ATP2B2: variants seen among roughly 807,000 people sequenced by gnomAD.
The protein encoded by ATP2B2 is ATPase plasma membrane Ca2+ transporting 2.
Under a neutral mutation model 120.0 loss-of-function variants are expected in ATP2B2, and 15 were observed. The ratio of observed to expected loss-of-function variants is 0.12; its 90% CI spans 0.08 to 0.19. The LOEUF is 0.19. Among genes scored for constraint, ATP2B2 ranks in the 10% least tolerant of loss-of-function variants. The pLI is 1.00. For synonymous variants in ATP2B2, 694 were observed against 700.3 expected, an observed-to-expected ratio of 0.99 and a Z score of 0.14; for missense variants, 1,045 against 1,719.8, an observed-to-expected ratio of 0.61 and a Z score of 6.94.
chr3:10,524,226 G>C (rs948369814), intron 3 of ATP2B2, among the ~76,000 whole-genome samples: 4 of 152,186 alleles, frequency 2.6e-5, no homozygotes, highest in African/African-American at 7.2e-5. Context: ...CTCTTCAAGG[G>C]AGGGGGTGGG....
Position 10,345,376 on chromosome 3 carries a change from G to T in ATP2B2, c.2703+8C>A, listed in dbSNP as rs150216690. 6 of 1,614,120 alleles carry T rather than the reference G, an allele frequency of 3.7e-6. No homozygotes were observed. Among genetic ancestry groups the T allele is most frequent in the Non-Finnish European group, 4.2e-6 (5 of 1,179,988 alleles). ...CCCAGGCTTTGGTGTGGTCTCCTGCGGACCCACCTGCGTGATGCAGGCGCC... is the reference window on the plus strand; with the variant it reads ...CCCAGGCTTTGGTGTGGTCTCCTGCTGACCCACCTGCGTGATGCAGGCGCC... On this transcript the variant is annotated splice_region_variant and intron_variant, in intron 18 of 22. Transcript: ENST00000360273.
At chr3:10,425,413 A>T (rs926944031) in intron 2 of ATP2B2, among the ~76,000 whole-genome samples, 14 of 152,188 alleles carry the variant, frequency 9.2e-5, no homozygotes, top group African/African-American at 3.1e-4. Context: ...GTTTCCATAT[A>T]ACCTTTGGAT....
intron 2 of ATP2B2, among the ~76,000 whole-genome samples, chr3:10,547,703 A>C (rs1188264583): frequency 3.3e-5 from 5 of 152,186 alleles, no homozygotes. Context: ...CTGTTCCATG[A>C]AAGTTCTGAA....
chr3:10,642,686 T>TAAA (rs141395527), intron 1 of ATP2B2, among the ~76,000 whole-genome samples: 12 of 125,366 alleles, frequency 9.6e-5, no homozygotes, highest in African/African-American at 3.8e-4. Context: ...GAGATTTAGC[T>TAAA]AAAAAAAAAA....
chr3:10,404,372 C>G (rs1327723497), intron 3 of ATP2B2, among the ~76,000 whole-genome samples: 3 of 152,200 alleles, frequency 2.0e-5, no homozygotes, highest in Non-Finnish European at 4.4e-5. Flanking sequence ...TAATGGTAAC[C>G]AAGTTTGAAT....
At chr3:10,406,955 G>A (rs187170912) in intron 3 of ATP2B2, among the ~76,000 whole-genome samples, 3 of 152,360 alleles carry the variant, frequency 2.0e-5, no homozygotes, top group East Asian at 3.9e-4. Flanking sequence ...TCGGGAAGAC[G>A]TGTCTTCTGG....
intron 1 of ATP2B2, among the ~76,000 whole-genome samples, chr3:10,707,483 G>A (rs187017200): frequency 1.0e-3 from 156 of 152,314 alleles, no homozygotes; most frequent in African/African-American, 3.6e-3. Context: ...AGGAACTAGA[G>A]CCAGGAGAAA....
At chr3:10,447,287 A>G (rs574029167) in intron 2 of ATP2B2, among the ~76,000 whole-genome samples, 14 of 151,918 alleles carry the variant, frequency 9.2e-5, no homozygotes, top group Non-Finnish European at 1.2e-4. Flanking sequence ...GCTAGGCAAT[A>G]CTCCCTCTAG....
At chr3:10,435,066 T>C (rs2063435103) in intron 2 of ATP2B2, among the ~76,000 whole-genome samples, 1 of 152,200 alleles carries the variant, frequency 6.6e-6, no homozygotes, top group Non-Finnish European at 1.5e-5. Context: ...AGGTCTGGTC[T>C]CATCCAGGCC....
intron 3 of ATP2B2, among the ~76,000 whole-genome samples, chr3:10,407,769 C>T (rs866971468): frequency 3.3e-5 from 5 of 152,302 alleles, no homozygotes; most frequent in East Asian, 1.9e-4. Flanking sequence ...CAGGAGCGAT[C>T]GGCCACGTGG....
intron 1 of ATP2B2, among the ~76,000 whole-genome samples, chr3:10,459,229 AC>A (rs2064385969): frequency 6.6e-6 from 1 of 152,164 alleles, no homozygotes; most frequent in Admixed American, 6.5e-5. Context: ...CAAAATTTGT[AC>A]CTTTTATGTG....
intron 1 of ATP2B2, among the ~76,000 whole-genome samples, chr3:10,645,468 G>T (rs2070298682): frequency 6.6e-6 from 1 of 152,172 alleles, no homozygotes; most frequent in Non-Finnish European, 1.5e-5. Flanking sequence ...GAGGTGTAAG[G>T]AGGTTTGCAA....
At chr3:10,331,869 A>T in intron 22 of ATP2B2, 1 of 1,031,048 alleles carries the variant, frequency 9.7e-7, no homozygotes, top group Non-Finnish European at 1.4e-6. Flanking sequence ...GAAAACGCAC[A>T]GGCCCTGGTC....
chr3:10,463,966 G>A (rs58267841), intron 1 of ATP2B2, among the ~76,000 whole-genome samples: 2,592 of 152,252 alleles, frequency 0.017, 85 homozygotes, highest in African/African-American at 0.06. Context: ...CTCTGCGTCC[G>A]CTCTCCTGGC....
chr3:10,546,814 C>T (rs1340472618), intron 2 of ATP2B2, among the ~76,000 whole-genome samples: 1 of 152,208 alleles, frequency 6.6e-6, no homozygotes, highest in Non-Finnish European at 1.5e-5. Context: ...TGAGAGCACA[C>T]AGCTAACGGT....
chr3:10,592,701 G>A (rs1320472290), intron 2 of ATP2B2, among the ~76,000 whole-genome samples: 1 of 152,188 alleles, frequency 6.6e-6, no homozygotes, highest in African/African-American at 2.4e-5. Flanking sequence ...GGCCCTGTCT[G>A]CTCAACCCAA....
intron 2 of ATP2B2, 124 bp from the exon 3 acceptor site, chr3:10,410,939 A>T (rs1374081443): frequency 8.5e-6 from 10 of 1,179,136 alleles, no homozygotes; most frequent in Non-Finnish European, 1.1e-5. Context: ...CCAGGAGCCC[A>T]ACATCTCTTC....
chr3:10,531,042 T>G (rs2067199201), intron 3 of ATP2B2, among the ~76,000 whole-genome samples: 1 of 152,032 alleles, frequency 6.6e-6, no homozygotes, highest in South Asian at 2.1e-4. Context: ...GCAAAGAGAG[T>G]GACAAGATTC....
rs1182590079 is a variant in ATP2B2, at chr3:10,326,658, C to G, written c.*2156G>C. The G allele has an allele frequency of 2.5e-6, 1 of 398,924 alleles. No individual in the cohort carries two copies. The highest frequency in any genetic ancestry group is 3.6e-5 in the East Asian group (1 of 28,094). The allele number at this position is 398,924 out of a possible 1,614,324, so 24.7% of individuals were successfully genotyped here. ...GGAATCCAATAAGCACATCTGAGGG[C>G]TGGTCACCCCTTTGGTTATGCAGTT... On this transcript the variant is annotated 3_prime_UTR_variant, in exon 23 of 23. Coordinates refer to ENST00000360273, the MANE Select transcript of ATP2B2 (RefSeq NM_001001331.4).
Sources: gnomAD v4.1 joint callset for allele counts (sites outside exome capture counted in the v4.1 genomes callset) on GRCh38, gnomAD v4.1.1 for gene constraint, MANE v1.5 for transcripts, NCBI Gene and HGNC (gene_info 2026-07-23, HGNC 2026-07-21) for gene names.